SAXO1: variants seen among roughly 807,000 people sequenced by gnomAD.
SAXO1 encodes the protein stabilizer of axonemal microtubules 1, also known as 4930500O09Rik.
In SAXO1, 21 loss-of-function variants were observed where a neutral mutation model predicts 17.5. The observed-to-expected ratio is 1.20, with a 90% confidence interval of 0.85 to 1.72. The LOEUF (loss-of-function observed/expected upper bound fraction) is 1.72. SAXO1 is among the 40% of genes most tolerant of loss of function. The probability of loss-of-function intolerance (pLI) is 0.00; values close to 1 mark genes in which losing one functional copy is unlikely to be tolerated. For missense variants in SAXO1, 843 were observed against 596.0 expected, an observed-to-expected ratio of 1.41 and a Z score of -4.32; for synonymous variants, 274 against 216.5, an observed-to-expected ratio of 1.27 and a Z score of -2.33.
intron 1 of SAXO1, among the ~76,000 whole-genome samples, chr9:18,990,143 G>A (rs7852907): frequency 0.52 from 77,940 of 151,316 alleles, 21,743 homozygotes; most frequent in Non-Finnish European, 0.63. Context: ...TGCCTACCCT[G>A]CGCACACCAA....
chr9:18,968,961 T>A (rs867990372), intron 1 of SAXO1, among the ~76,000 whole-genome samples: 3 of 152,058 alleles, frequency 2.0e-5, no homozygotes, highest in Non-Finnish European at 4.4e-5. Context: ...CTGGCTGGCA[T>A]TGATGGATGG....
intron 1 of SAXO1, among the ~76,000 whole-genome samples, chr9:19,013,253 C>A (rs531552743): frequency 6.6e-6 from 1 of 152,164 alleles, no homozygotes; most frequent in Non-Finnish European, 1.5e-5. Context: ...ATTCAGCACA[C>A]GAAATGCAGG....
rs1295417218 is a variant in SAXO1 at position 18,928,240 on chromosome 9, T to C, written c.1237A>G (p.Thr413Ala). Residue 413 changes from threonine to alanine, a missense_variant, in exon 4 of 4, where the codon ACT (threonine) becomes GCT (alanine). Thr to Ala is a moderately conservative substitution (Grantham distance 58). Transcript: ENST00000380534. ...AGGCACCTGCCCATTTCCTTGGGAGTAAAGCTGATGGTGTAGGTGGTCTGG... is the reference window on the plus strand; with the variant it reads ...AGGCACCTGCCCATTTCCTTGGGAGCAAAGCTGATGGTGTAGGTGGTCTGG... ...ESQTTYTISF[T>A]PKEMGRCLAS... is the part of the protein sequence containing the mutation. The C allele has an allele frequency of 7.4e-6, 12 of 1,613,938 alleles. No homozygotes were observed. In the South Asian group the frequency reaches 1.2e-4, roughly 16 times the overall value.
rs62560423 is a variant in SAXO1 at position 19,003,089 on chromosome 9, T to C, written c.38+29782A>G. 3.1e-3 allele frequency among the ~76,000 whole-genome samples: 473 copies of C among 152,218 alleles called. 1 individual carries two copies. Among genetic ancestry groups the C allele is most frequent in the Middle Eastern group, 0.014 (4 of 294 alleles). On this transcript the variant is annotated intron_variant, in intron 1 of 3. Coordinates refer to ENST00000380534, the MANE Select transcript of SAXO1 (RefSeq NM_153707.4). ...TGTGCAAAAATCACAAGCATTCCTA[T>C]ACACAAAGAACAGACAAACAGAGAG...
chr9:19,041,830 C>A (rs1349028832), intron 1 of SAXO1, among the ~76,000 whole-genome samples: 1 of 152,116 alleles, frequency 6.6e-6, no homozygotes, highest in African/African-American at 2.4e-5. Context: ...AGACCTCAAA[C>A]CATGAAACTA....
chr9:18,939,565 G>C (rs1831459998), intron 3 of SAXO1, among the ~76,000 whole-genome samples: 1 of 152,190 alleles, frequency 6.6e-6, no homozygotes, highest in South Asian at 2.1e-4. Context: ...GCTAGATTAA[G>C]GAAGCAGAAG....
At chr9:19,007,067 G>C (rs1372393645) in intron 1 of SAXO1, among the ~76,000 whole-genome samples, 1 of 151,544 alleles carries the variant, frequency 6.6e-6, no homozygotes, top group Non-Finnish European at 1.5e-5. Context: ...AAAAAAAATA[G>C]ACCAGGTGCT....
At chr9:18,973,241 A>T (rs1352050866) in intron 1 of SAXO1, among the ~76,000 whole-genome samples, 1 of 152,210 alleles carries the variant, frequency 6.6e-6, no homozygotes, top group Non-Finnish European at 1.5e-5. Flanking sequence ...TAATGGAATA[A>T]CTGGTTTTAA....
chr9:19,033,606 CTGTT>C (rs1257247955), upstream of SAXO1, among the ~76,000 whole-genome samples: 8 of 152,180 alleles, frequency 5.3e-5, no homozygotes, highest in Non-Finnish European at 8.8e-5. Flanking sequence ...CTTCAGATGT[CTGTT>C]AGAATTGCTC....
rs7035738 is a variant in SAXO1, at chr9:19,033,037, G to T, written c.-129C>A. On this transcript the variant is annotated 5_prime_UTR_variant, in exon 1 of 4. Coordinates refer to ENST00000380534, the MANE Select transcript of SAXO1 (RefSeq NM_153707.4). ...TTGGCAGGTGTTCTGTTTACTCGAA[G>T]GAAAATTTAAGTGGCCCTTTTGCAA... 3 of 977,742 alleles carry T rather than the reference G, an allele frequency of 3.1e-6. No homozygotes were observed. The East Asian group carries it at 8.8e-5, about 29-fold the overall frequency. 60.6% of individuals were successfully genotyped at this position (977,742 alleles called of 1,614,324 possible). A position where few individuals can be genotyped will look rare whatever the true frequency, so the allele number is the denominator to read the frequency against.
chr9:18,984,353 C>T (rs1833511117), intron 1 of SAXO1, among the ~76,000 whole-genome samples: 1 of 152,206 alleles, frequency 6.6e-6, no homozygotes, highest in African/African-American at 2.4e-5. Flanking sequence ...ACTTTGAAGC[C>T]AGGCATTGAC....
chr9:19,018,384 G>A (rs779476121), intron 1 of SAXO1, among the ~76,000 whole-genome samples: 1 of 152,170 alleles, frequency 6.6e-6, no homozygotes, highest in Non-Finnish European at 1.5e-5. Flanking sequence ...TGCCATCGTT[G>A]GCAGGAAGGT....
chr9:18,928,523 T>G lies in SAXO1; in HGVS notation c.954A>C (p.Pro318=). The G allele has an allele frequency of 6.2e-7, 1 of 1,613,914 alleles. No homozygotes were observed. The highest frequency in any genetic ancestry group is 1.1e-5 in the South Asian group (1 of 91,042). The part of the protein sequence containing the change: ...QAHYTCPKGA[P]AQSCRPALQI... ...GAAGTGCAGGTCGGCAGGACTGAGC[T>G]GGGGCACCCTTAGGGCATGTGTAAT... Residue 318 remains proline (P), a synonymous_variant, in exon 4 of 4, where the codon CCA becomes CCC. Transcript: ENST00000380534.
chr9:19,040,213 G>T (rs1467231120), intron 1 of SAXO1, among the ~76,000 whole-genome samples: 2 of 152,136 alleles, frequency 1.3e-5, no homozygotes, highest in East Asian at 3.8e-4. Flanking sequence ...GAGTTTACAT[G>T]CTTTTCAAAA....
At chr9:18,978,417 G>A (rs935225550) in intron 1 of SAXO1, among the ~76,000 whole-genome samples, 3 of 152,202 alleles carry the variant, frequency 2.0e-5, no homozygotes, top group Admixed American at 2.0e-4. Flanking sequence ...TGCTGGGGAG[G>A]AGATGCCCAG....
At position 19,031,239 on chromosome 9, in the gene SAXO1, C is replaced by T. The variant is rs868182437; in HGVS notation, c.38+1632G>A. ...TTCAATCCCAATGCCTAGAACAATG[C>T]AGGAGGACACAGGAGGGTAATGTAA... is the stretch of plus-strand genomic sequence containing the variant. On this transcript the variant is annotated intron_variant, in intron 1 of 3. Coordinates refer to ENST00000380534, the MANE Select transcript of SAXO1 (RefSeq NM_153707.4). Among the ~76,000 whole-genome samples, 2 of 152,204 alleles carry T rather than the reference C, an allele frequency of 1.3e-5. 1 individual carries two copies. The highest frequency in any genetic ancestry group is 1.3e-4 in the Admixed American group (2 of 15,282).
chr9:18,956,112 T>A lies in SAXO1; in HGVS notation c.39-5175A>T, dbSNP rs868530098. Reference sequence around the variant, plus strand: ...TGCACCACTGCACAACCTGGCTAATTTTTTTTTTTTTTTTTTTTTGTAGAA... The same window carrying A: ...TGCACCACTGCACAACCTGGCTAATATTTTTTTTTTTTTTTTTTTGTAGAA... On this transcript the variant is annotated intron_variant, in intron 1 of 3. Transcript: ENST00000380534. 1.7e-3 allele frequency among the ~76,000 whole-genome samples: 190 copies of A among 112,450 alleles called. 2 individuals are homozygous for A. Among genetic ancestry groups the A allele is most frequent in the Non-Finnish European group, 2.4e-3 (146 of 59,896 alleles). The allele number at this position is 112,450 out of a possible 152,430, so 73.8% of individuals were successfully genotyped here. A position where few individuals can be genotyped will look rare whatever the true frequency, so the allele number is the denominator to read the frequency against.
chr9:19,031,104 A>AG (rs1327679549), intron 1 of SAXO1, among the ~76,000 whole-genome samples: 1 of 152,246 alleles, frequency 6.6e-6, no homozygotes, highest in East Asian at 1.9e-4. Flanking sequence ...ACCCTACTGC[A>AG]GGGGCAGGAG....
intron 1 of SAXO1, among the ~76,000 whole-genome samples, chr9:18,994,155 A>G (rs1235286992): frequency 6.6e-6 from 1 of 152,234 alleles, no homozygotes; most frequent in South Asian, 2.1e-4. Context: ...AAATTCAGAC[A>G]GGTGTCAAGC....
Sources: allele counts gnomAD v4.1 joint callset (sites outside exome capture counted in the v4.1 genomes callset), GRCh38; gene constraint gnomAD v4.1.1; transcripts MANE v1.5; gene names NCBI Gene and HGNC (gene_info 2026-07-23, HGNC 2026-07-21).